CNTN5: variants seen among roughly 807,000 people sequenced by gnomAD.
The protein encoded by CNTN5 is contactin 5.
CNTN5 carries 77 observed loss-of-function variants against 129.1 expected under a neutral mutation model. The ratio of observed to expected loss-of-function variants is 0.60; its 90% CI spans 0.50 to 0.72. The LOEUF is 0.72. Among genes scored for constraint, CNTN5 ranks in the 30% least tolerant of loss-of-function variants. CNTN5 has a pLI of 0.00. For missense variants in CNTN5, 1,478 were observed against 1,328.8 expected (o/e 1.11, Z -1.75); for synonymous variants, 509 against 465.6 (o/e 1.09, Z -1.20).
At chr11:99,126,644 T>A (rs1858649269) in intron 1 of CNTN5, among the ~76,000 whole-genome samples, 1 of 152,224 alleles carries the variant, frequency 6.6e-6, no homozygotes, top group African/African-American at 2.4e-5. Context: ...AAGTTGCTAC[T>A]ACATATCAAG....
At chr11:99,679,004 T>C (rs1351720676) in intron 3 of CNTN5, among the ~76,000 whole-genome samples, 6 of 147,690 alleles carry the variant, frequency 4.1e-5, no homozygotes, top group Admixed American at 2.0e-4. Flanking sequence ...TATACATATT[T>C]ATTTATATAT....
At chr11:99,192,163 G>A (rs1858677819) in intron 1 of CNTN5, among the ~76,000 whole-genome samples, 1 of 150,986 alleles carries the variant, frequency 6.6e-6, no homozygotes, top group Non-Finnish European at 1.5e-5. Flanking sequence ...ACAAAAGAAA[G>A]AAGACAAATA....
chr11:100,238,408 CAAAAAAAAAAA>C (rs201855934), intron 16 of CNTN5, among the ~76,000 whole-genome samples: 4 of 71,328 alleles, frequency 5.6e-5, no homozygotes, highest in East Asian at 4.3e-4. Flanking sequence ...CCTCACTTGT[CAAAAAAAAAAA>C]AAAAAAAAAA....
chr11:99,059,551 G>A (rs1054660335), intron 1 of CNTN5, among the ~76,000 whole-genome samples: 3 of 151,966 alleles, frequency 2.0e-5, no homozygotes, highest in African/African-American at 4.8e-5. Flanking sequence ...AACATTTGTA[G>A]AGCCCTTTCA....
At chr11:99,582,461 A>G (rs560852583) in intron 3 of CNTN5, among the ~76,000 whole-genome samples, 39 of 152,310 alleles carry the variant, frequency 2.6e-4, no homozygotes, top group African/African-American at 8.9e-4. Context: ...TTTCAGGTAC[A>G]CCAATTAGAC....
chr11:100,344,550 T>C (rs975481656), intron 23 of CNTN5, among the ~76,000 whole-genome samples: 2 of 152,076 alleles, frequency 1.3e-5, no homozygotes, highest in Admixed American at 6.6e-5. Context: ...TACTATAAGA[T>C]AGAAGAAATA....
intron 9 of CNTN5, among the ~76,000 whole-genome samples, chr11:100,049,332 T>G (rs955665017): frequency 1.3e-5 from 2 of 151,992 alleles, no homozygotes; most frequent in Non-Finnish European, 2.9e-5. Context: ...GTCAGATTCA[T>G]ATCGCAAACT....
intron 6 of CNTN5, among the ~76,000 whole-genome samples, chr11:99,877,931 T>C (rs1218683872): frequency 6.6e-6 from 1 of 152,248 alleles, no homozygotes; most frequent in African/African-American, 2.4e-5. Flanking sequence ...TTTATTGCTT[T>C]GAAGGGTAGG....
At chr11:99,386,986 A>T (rs1229117066) in intron 2 of CNTN5, among the ~76,000 whole-genome samples, 1 of 152,018 alleles carries the variant, frequency 6.6e-6, no homozygotes, top group Non-Finnish European at 1.5e-5. Flanking sequence ...TCTGGTGAAA[A>T]TTTCATTTAT....
intron 1 of CNTN5, among the ~76,000 whole-genome samples, chr11:99,045,836 G>A (rs1024664304): frequency 1.3e-5 from 2 of 152,088 alleles, no homozygotes; most frequent in Non-Finnish European, 1.5e-5. Context: ...GTGGTAACAT[G>A]GATGTAAAAC....
intron 2 of CNTN5, among the ~76,000 whole-genome samples, chr11:99,396,783 A>C (rs1330241096): frequency 1.3e-5 from 2 of 151,764 alleles, no homozygotes; most frequent in Non-Finnish European, 3.0e-5. Flanking sequence ...ATAAAGTAAG[A>C]GCTAATGATC....
chr11:100,131,522 C>T (rs1437778326), intron 13 of CNTN5, among the ~76,000 whole-genome samples: 1 of 151,716 alleles, frequency 6.6e-6, no homozygotes, highest in African/African-American at 2.4e-5. Flanking sequence ...GGGAAACTGA[C>T]ACAAAAAGCC....
intron 1 of CNTN5, among the ~76,000 whole-genome samples, chr11:99,157,078 G>C (rs1182185142): frequency 6.6e-6 from 1 of 151,930 alleles, no homozygotes; most frequent in Admixed American, 6.5e-5. Context: ...TATTTATAAA[G>C]TGGTAAGTTT....
intron 1 of CNTN5, among the ~76,000 whole-genome samples, chr11:99,134,673 A>G (rs562134579): frequency 6.6e-6 from 1 of 152,204 alleles, no homozygotes; most frequent in African/African-American, 2.4e-5. Context: ...TAATTTGATG[A>G]GTTATAGGTA....
intron 3 of CNTN5, among the ~76,000 whole-genome samples, chr11:99,816,405 A>C (rs1193367766): frequency 1.3e-5 from 2 of 152,126 alleles, no homozygotes; most frequent in Non-Finnish European, 2.9e-5. Context: ...CTTAACATCA[A>C]CATGAATGTC....
intron 8 of CNTN5, among the ~76,000 whole-genome samples, chr11:99,974,572 C>A (rs1288285399): frequency 2.2e-4 from 33 of 152,184 alleles, no homozygotes; most frequent in Admixed American, 2.0e-3. Flanking sequence ...ATTCTTCTCA[C>A]TTCTGCAAGA....
chr11:99,931,532 T>G (rs1430195036), intron 7 of CNTN5, among the ~76,000 whole-genome samples: 9 of 152,218 alleles, frequency 5.9e-5, no homozygotes, highest in Admixed American at 3.3e-4. Context: ...AGTAAAAGGA[T>G]TTGACCCAAG....
intron 6 of CNTN5, among the ~76,000 whole-genome samples, chr11:99,863,318 G>A (rs967321901): frequency 6.6e-6 from 1 of 152,142 alleles, no homozygotes; most frequent in Admixed American, 6.6e-5. Context: ...GGTTAGTATA[G>A]TCGTAGGACA....
intron 6 of CNTN5, among the ~76,000 whole-genome samples, chr11:99,886,069 T>C (rs1157043446): frequency 6.6e-6 from 1 of 152,132 alleles, no homozygotes; most frequent in Non-Finnish European, 1.5e-5. Flanking sequence ...TATATTCAAA[T>C]ATAATCTCTG....
Sources: allele counts gnomAD v4.1 joint callset (sites outside exome capture counted in the v4.1 genomes callset), GRCh38; gene constraint gnomAD v4.1.1; transcripts MANE v1.5; gene names NCBI Gene and HGNC (gene_info 2026-07-23, HGNC 2026-07-21).